The following SOBP variants were observed in gnomAD, a reference collection of about 807,000 sequenced individuals.
The protein encoded by SOBP is sine oculis-binding protein homolog.
SOBP carries 4 observed loss-of-function variants against 53.6 expected under a neutral mutation model. That is an observed-to-expected ratio of 0.07 (90% CI 0.04 to 0.17). The LOEUF (loss-of-function observed/expected upper bound fraction) is 0.17. Ranked by LOEUF, SOBP falls within the 10% of genes least tolerant of loss-of-function variation. The pLI, the probability that SOBP is intolerant of heterozygous loss-of-function variation, is 1.00. For missense variants in SOBP, 1,088 were observed against 1,204.7 expected, an observed-to-expected ratio of 0.90 and a Z score of 1.43; for synonymous variants, 584 against 522.6, an observed-to-expected ratio of 1.12 and a Z score of -1.60.
intron 3 of SOBP, among the ~76,000 whole-genome samples, chr6:107,519,147 A>G (rs1052300295): frequency 1.3e-5 from 2 of 148,834 alleles, no homozygotes; most frequent in East Asian, 1.9e-4. Flanking sequence ...AAAGTAGAAT[A>G]TACAATATCT....
At position 107,562,920 on chromosome 6, in the gene SOBP, C is replaced by G. The variant is rs558999164; in HGVS notation, c.574-24160C>G. On this transcript the variant is annotated intron_variant, in intron 4 of 6. Coordinates refer to ENST00000317357, the MANE Select transcript of SOBP (RefSeq NM_018013.4). ...GTAAAAATCTCAATAGTCGTTGAAG[C>G]TGTGAATAGAGAAATTGGAAATTCA... 3.9e-5 allele frequency among the ~76,000 whole-genome samples: 6 copies of G among 152,274 alleles called. 1 individual carries two copies. Among genetic ancestry groups the G allele is most frequent in the African/African-American group, 1.2e-4 (5 of 41,544 alleles).
intron 5 of SOBP, among the ~76,000 whole-genome samples, chr6:107,595,127 A>G (rs1785898089): frequency 1.3e-5 from 2 of 152,206 alleles, no homozygotes; most frequent in South Asian, 2.1e-4. Context: ...AAGAACATCT[A>G]TGGGGAATGT....
At chr6:107,533,293 AAAAGAGAGAGAG>A (rs1783892505) in intron 3 of SOBP, among the ~76,000 whole-genome samples, 154 bp from the exon 4 acceptor site, 2 of 150,082 alleles carry the variant, frequency 1.3e-5, no homozygotes, top group African/African-American at 2.5e-5. Context: ...AAAAAAAAAA[AAAAGAGAGAGAG>A]AAAGAGAGAG....
chr6:107,574,818 C>T (rs996923750), intron 4 of SOBP, among the ~76,000 whole-genome samples: 2 of 152,196 alleles, frequency 1.3e-5, no homozygotes, highest in African/African-American at 4.8e-5. Context: ...ATGAGATTGG[C>T]TCTCAGCTTC....
intron 5 of SOBP, among the ~76,000 whole-genome samples, chr6:107,595,350 C>CTTTTTTTTT (rs745477007): frequency 3.4e-5 from 3 of 88,124 alleles, no homozygotes; most frequent in Non-Finnish European, 4.0e-5. Context: ...GATTTTGATC[C>CTTTTTTTTT]TTTTTTTTTT....
intron 5 of SOBP, among the ~76,000 whole-genome samples, chr6:107,602,896 A>G (rs76909385): frequency 6.6e-6 from 1 of 152,146 alleles, no homozygotes; most frequent in African/African-American, 2.4e-5. Flanking sequence ...AGTCTGAGAC[A>G]GAGGCAGCAG....
intron 4 of SOBP, among the ~76,000 whole-genome samples, chr6:107,559,959 T>C (rs1256786825): frequency 6.6e-6 from 1 of 152,088 alleles, no homozygotes; most frequent in Non-Finnish European, 1.5e-5. Context: ...AACTGAGTTA[T>C]GACTTTATTC....
chr6:107,499,407 A>G (rs560061839), intron 1 of SOBP, among the ~76,000 whole-genome samples: 2 of 152,346 alleles, frequency 1.3e-5, no homozygotes, highest in African/African-American at 4.8e-5. Flanking sequence ...GAAACACTGT[A>G]AAGTGCTATA....
chr6:107,634,460 T>C lies in SOBP; in HGVS notation c.1616T>C (p.Ile539Thr). ...GTGCCCCTACCGGTGCCCATCCCCATCCCCATCCCTATCCCTCACGTCAGC... is the reference window on the plus strand; with the variant it reads ...GTGCCCCTACCGGTGCCCATCCCCACCCCCATCCCTATCCCTCACGTCAGC... The part of the protein sequence containing the change: ...VIVPLPVPIP[I>T]PIPIPHVSDS... The change falls in exon 6 of 7, where the codon ATC (isoleucine) becomes ACC (threonine). Residue 539 changes from isoleucine to threonine, a missense_variant. Ile to Thr is a moderately conservative substitution (Grantham distance 89, BLOSUM62 -1). Transcript: ENST00000317357. The surrounding 1 kb of genome is among the most constrained non-coding windows in gnomAD (Gnocchi z 4.5). 1 of 1,602,264 alleles carries C rather than the reference T, an allele frequency of 6.2e-7. No homozygotes were observed. Among genetic ancestry groups the C allele is most frequent in the Non-Finnish European group, 8.5e-7 (1 of 1,175,930 alleles).
At chr6:107,511,945 TC>T (rs1783182568) in intron 3 of SOBP, among the ~76,000 whole-genome samples, 1 of 151,920 alleles carries the variant, frequency 6.6e-6, no homozygotes, top group Non-Finnish European at 1.5e-5. Flanking sequence ...GCTTTTGCTT[TC>T]CCCCTCCCCC....
chr6:107,609,168 T>C (rs1786497815), intron 5 of SOBP, among the ~76,000 whole-genome samples: 1 of 152,256 alleles, frequency 6.6e-6, no homozygotes, highest in African/African-American at 2.4e-5. Context: ...CACTGTGTAC[T>C]TATTTGTAAA....
At chr6:107,524,553 A>G (rs1783606592) in intron 3 of SOBP, among the ~76,000 whole-genome samples, 1 of 152,162 alleles carries the variant, frequency 6.6e-6, no homozygotes, top group Non-Finnish European at 1.5e-5. Flanking sequence ...TAGGAAAAGG[A>G]TTGCCTTCTC....
chr6:107,509,581 A>G (rs1783105770), intron 3 of SOBP, among the ~76,000 whole-genome samples: 2 of 152,186 alleles, frequency 1.3e-5, no homozygotes, highest in Admixed American at 6.5e-5. Context: ...CAAAGCAAAC[A>G]GCTTTAGAAA....
chr6:107,540,165 G>A (rs1583189626), intron 4 of SOBP, among the ~76,000 whole-genome samples: 1 of 152,202 alleles, frequency 6.6e-6, no homozygotes, highest in African/African-American at 2.4e-5. Context: ...AATTTTTCTT[G>A]TACACCTTTG....
chr6:107,585,917 C>G (rs1179243602), intron 4 of SOBP, among the ~76,000 whole-genome samples: 1 of 152,202 alleles, frequency 6.6e-6, no homozygotes, highest in Non-Finnish European at 1.5e-5. Flanking sequence ...AATACATAAG[C>G]ATTGTCATCT....
Position 107,493,432 on chromosome 6 carries a change from GA to G in SOBP, c.96+2723del, listed in dbSNP as rs568235077. Among the ~76,000 whole-genome samples, 769 of 152,326 alleles carry G rather than the reference GA, an allele frequency of 5.0e-3. 1 individual carries two copies. The highest frequency in any genetic ancestry group is 9.0e-3 in the Non-Finnish European group (613 of 68,012). ...TTGAAGGTAGGGGAAATGAAAGGGG[GA>G]AAGAAGAGAGAGCAAATGGAAAAGT... On this transcript the variant is annotated intron_variant, in intron 1 of 6. Coordinates refer to ENST00000317357, the MANE Select transcript of SOBP (RefSeq NM_018013.4).
intron 4 of SOBP, among the ~76,000 whole-genome samples, chr6:107,578,097 AAG>A (rs1279518551): frequency 2.4e-4 from 30 of 127,534 alleles, no homozygotes; most frequent in Admixed American, 5.6e-4. Context: ...AAAAAAAAAG[AAG>A]AAGTTCGTTT....
intron 3 of SOBP, among the ~76,000 whole-genome samples, chr6:107,507,379 C>T (rs550210764): frequency 6.0e-4 from 92 of 152,244 alleles, no homozygotes; most frequent in Non-Finnish European, 9.7e-4. Flanking sequence ...TATCTTGGCT[C>T]ACTGCAACCT....
At chr6:107,548,996 A>G (rs1256541927) in intron 4 of SOBP, among the ~76,000 whole-genome samples, 2 of 152,102 alleles carry the variant, frequency 1.3e-5, no homozygotes, top group African/African-American at 4.8e-5. Flanking sequence ...GGCCGGGCGC[A>G]GTGGCTCAAG....
Sources: allele counts gnomAD v4.1 joint callset (sites outside exome capture counted in the v4.1 genomes callset), GRCh38; gene constraint gnomAD v4.1.1; non-coding constraint Gnocchi (gnomAD v3.1); transcripts MANE v1.5; gene names NCBI Gene and HGNC (gene_info 2026-07-23, HGNC 2026-07-21).